DIS3L2: variants seen among roughly 807,000 people sequenced by gnomAD.
DIS3L2 encodes DIS3-like exonuclease 2.
In DIS3L2, 34 loss-of-function variants were observed where a neutral mutation model predicts 97.5. The observed-to-expected ratio is 0.35, with a 90% CI of 0.27 to 0.46. DIS3L2 has a LOEUF of 0.46. Ranked by LOEUF, DIS3L2 falls within the 20% of genes least tolerant of loss-of-function variation. DIS3L2 has a pLI of 1.00. For synonymous variants in DIS3L2, 435 were observed against 445.2 expected (o/e 0.98, Z 0.29); for missense variants, 1,038 against 1,146.0 (o/e 0.91, Z 1.36).
At chr2:232,077,556 G>C (rs1236984328) in intron 5 of DIS3L2, among the ~76,000 whole-genome samples, 1 of 152,154 alleles carries the variant, frequency 6.6e-6, no homozygotes, top group Non-Finnish European at 1.5e-5. Context: ...AGGGTTTTAT[G>C]TGATGCCCAT....
intron 8 of DIS3L2, among the ~76,000 whole-genome samples, chr2:232,143,295 G>A (rs1690119299): frequency 6.6e-6 from 1 of 152,108 alleles, no homozygotes; most frequent in Non-Finnish European, 1.5e-5. Flanking sequence ...CCTATCATAT[G>A]TAGGAAGTTG....
chr2:231,998,183 T>C (rs902884741), intron 1 of DIS3L2, among the ~76,000 whole-genome samples: 1 of 152,310 alleles, frequency 6.6e-6, no homozygotes, highest in Admixed American at 6.5e-5. Context: ...AATTTATTTC[T>C]CACAGTTCTG....
rs564154967 is a variant in DIS3L2 at position 232,334,988 on chromosome 2, C to T, written c.2394+253C>T. 2,242 of 497,920 alleles carry T rather than the reference C, an allele frequency of 4.5e-3. 9 individuals carry two copies. The highest frequency in any genetic ancestry group is 6.2e-3 in the Non-Finnish European group (1,712 of 274,646). 30.8% of individuals were successfully genotyped at this position (497,920 alleles called of 1,614,324 possible). On this transcript the variant is annotated intron_variant, in intron 19 of 20. Transcript: ENST00000325385. ...AGGCCCCTCCATGGCCAGTACAGCT[C>T]GGCAGGGTGTGCAGGCTTTGGGGAC...
chr2:232,318,009 T>TC (rs910416998), intron 14 of DIS3L2, among the ~76,000 whole-genome samples: 20 of 152,174 alleles, frequency 1.3e-4, no homozygotes, highest in African/African-American at 4.6e-4. Context: ...GCCCTACCTT[T>TC]CCCCCCTGAC....
chr2:232,154,968 A>T (rs1690442436), intron 8 of DIS3L2, among the ~76,000 whole-genome samples: 1 of 136,946 alleles, frequency 7.3e-6, no homozygotes. Flanking sequence ...CCGATTTTCC[A>T]GGTGCGTCCG....
At chr2:232,085,649 T>C (rs1358428503) in intron 5 of DIS3L2, among the ~76,000 whole-genome samples, 1 of 152,176 alleles carries the variant, frequency 6.6e-6, no homozygotes, top group Non-Finnish European at 1.5e-5. Flanking sequence ...GCTGCTTTTT[T>C]GCTAATGTGG....
rs1030067552 is a variant in DIS3L2 at position 232,293,189 on chromosome 2, G to C, written c.1660-6851G>C. Among the ~76,000 whole-genome samples, 5 of 152,232 alleles carry C rather than the reference G, an allele frequency of 3.3e-5. No individual in the cohort carries two copies. Among genetic ancestry groups the C allele is most frequent in the Non-Finnish European group, 4.4e-5 (3 of 68,012 alleles). On this transcript the variant is annotated intron_variant, in intron 13 of 20. Transcript: ENST00000325385. This position sits in a 1 kb window ranked among gnomAD's most constrained non-coding sequence, Gnocchi z 4.6. ...GAAGGAGCTTGTGCCTCTTGAGGGT[G>C]CTGACAAGATGGCAACACCTGAACA... is the stretch of plus-strand genomic sequence containing the variant.
At chr2:232,157,597 G>T (rs1690528338) in intron 8 of DIS3L2, among the ~76,000 whole-genome samples, 1 of 152,182 alleles carries the variant, frequency 6.6e-6, no homozygotes, top group Admixed American at 6.5e-5. Context: ...AAGAAATGCA[G>T]ATAGCAAACC....
At chr2:232,195,260 C>G (rs1294034255) in intron 9 of DIS3L2, among the ~76,000 whole-genome samples, 1 of 152,216 alleles carries the variant, frequency 6.6e-6, no homozygotes, top group Non-Finnish European at 1.5e-5. Flanking sequence ...TTTTGAGACA[C>G]TGTAACAGCC....
chr2:232,007,657 A>G (rs1312916852), intron 1 of DIS3L2, among the ~76,000 whole-genome samples: 1 of 152,218 alleles, frequency 6.6e-6, no homozygotes, highest in Non-Finnish European at 1.5e-5. Context: ...ATACAAGAGA[A>G]TATTTTGAAC....
intron 1 of DIS3L2, among the ~76,000 whole-genome samples, chr2:231,966,191 CAG>C (rs1484430621): frequency 7.1e-6 from 1 of 140,354 alleles, no homozygotes; most frequent in Non-Finnish European, 1.5e-5. Flanking sequence ...TTTTTTGAGA[CAG>C]AGACTTACTC....
At chr2:232,323,076 G>A (rs1322186532) in intron 14 of DIS3L2, among the ~76,000 whole-genome samples, 6 of 152,230 alleles carry the variant, frequency 3.9e-5, no homozygotes, top group Non-Finnish European at 8.8e-5. Flanking sequence ...CCCTCCTCAG[G>A]ACCTTGTTTC....
chr2:232,069,361 G>T (rs1425577310), intron 5 of DIS3L2, among the ~76,000 whole-genome samples: 1 of 152,220 alleles, frequency 6.6e-6, no homozygotes, highest in Non-Finnish European at 1.5e-5. Context: ...CTGGCAAGCA[G>T]TTGGAAATTA....
In DIS3L2 at chr2:232,227,878, T is replaced by C. The variant is rs562869030; in HGVS notation, c.1205-10655T>C. Among the ~76,000 whole-genome samples the C allele has an allele frequency of 6.6e-5, 10 of 152,354 alleles. No individual in the cohort carries two copies. The East Asian group carries it at 1.9e-3, about 29-fold the overall frequency. ...AGGCATTTTAATACACATAGTTGTTTTATATTTCTTTAAAACATTGAAAAT... is the reference window on the plus strand; with the variant it reads ...AGGCATTTTAATACACATAGTTGTTCTATATTTCTTTAAAACATTGAAAAT... On this transcript the variant is annotated intron_variant, in intron 10 of 20. Transcript: ENST00000325385.
chr2:232,298,142 T>C (rs6728539), intron 13 of DIS3L2, among the ~76,000 whole-genome samples: 12,910 of 152,280 alleles, frequency 0.085, 659 homozygotes, highest in African/African-American at 0.14. Context: ...ATGTAACAAC[T>C]ACCTGCTATT....
chr2:231,987,325 A>G (rs754901640), intron 1 of DIS3L2, among the ~76,000 whole-genome samples: 1 of 152,266 alleles, frequency 6.6e-6, no homozygotes, highest in Non-Finnish European at 1.5e-5. Flanking sequence ...CGTCACTACC[A>G]TCTGAAGTAA....
chr2:232,279,538 GTTTGTTTT>G (rs1327177363), intron 13 of DIS3L2, among the ~76,000 whole-genome samples: 1 of 116,616 alleles, frequency 8.6e-6, no homozygotes, highest in Non-Finnish European at 1.8e-5. Flanking sequence ...TTGTTTGTTT[GTTTGTTTT>G]TTGAGATAGT....
intron 14 of DIS3L2, among the ~76,000 whole-genome samples, chr2:232,317,656 C>T (rs1340420755): frequency 3.4e-4 from 51 of 152,038 alleles, no homozygotes; most frequent in Non-Finnish European, 7.4e-5. Flanking sequence ...AGCCTGGTCT[C>T]GAATTCCTGG....
chr2:232,030,133 C>A, intron 5 of DIS3L2, 53 bp downstream of exon 5: 1 of 1,473,280 alleles, frequency 6.8e-7, no homozygotes, highest in Non-Finnish European at 9.4e-7. Context: ...CTTTCACATT[C>A]CATGGTGCAC....
Sources: gnomAD v4.1 joint callset for allele counts (sites outside exome capture counted in the v4.1 genomes callset) on GRCh38, gnomAD v4.1.1 for gene constraint, Gnocchi (gnomAD v3.1) non-coding constraint, MANE v1.5 for transcripts, NCBI Gene and HGNC (gene_info 2026-07-23, HGNC 2026-07-21) for gene names.